The following ACTR3C variants were observed in gnomAD, a reference collection of about 807,000 sequenced individuals.
ACTR3C encodes actin related protein 3C, also known as actin-related protein 3C.
In ACTR3C, 18 loss-of-function variants were observed where a neutral mutation model predicts 26.3. The ratio of observed to expected loss-of-function variants is 0.68; its 90% confidence interval spans 0.47 to 1.01. ACTR3C has a LOEUF of 1.01. Among genes scored for constraint, ACTR3C ranks in the 50% least tolerant of loss-of-function variants. The pLI, the probability that ACTR3C is intolerant of heterozygous loss-of-function variation, is 0.00. For missense variants in ACTR3C, 184 were observed against 250.7 expected, an observed-to-expected ratio of 0.73 and a Z score of 1.80; for synonymous variants, 55 against 94.5, an observed-to-expected ratio of 0.58 and a Z score of 2.42.
At chr7:149,982,700 T>C in the ACTR3C span, among the ~76,000 whole-genome samples, 1 of 152,022 alleles carries the variant, frequency 6.6e-6, no homozygotes, top group Non-Finnish European at 1.5e-5. Context: ...AAGCTCAGTG[T>C]AGGAGCATCT....
the ACTR3C span, among the ~76,000 whole-genome samples, chr7:149,929,114 A>G: frequency 6.6e-6 from 1 of 152,208 alleles, no homozygotes; most frequent in African/African-American, 2.4e-5. Context: ...AACCATCACC[A>G]TAATTAGTAA....
At chr7:150,088,474 G>A in the ACTR3C span, among the ~76,000 whole-genome samples, 56 of 152,250 alleles carry the variant, frequency 3.7e-4, no homozygotes, top group African/African-American at 1.2e-3. Context: ...CATGCAAAGC[G>A]AAGGAAATAA....
the ACTR3C span, among the ~76,000 whole-genome samples, chr7:150,154,338 C>CT: frequency 7.3e-4 from 111 of 152,040 alleles, no homozygotes; most frequent in African/African-American, 2.4e-3. Flanking sequence ...AAAGACGTCT[C>CT]TTTTTTTTAA....
the ACTR3C span, among the ~76,000 whole-genome samples, chr7:150,230,797 A>G: frequency 6.6e-6 from 1 of 151,996 alleles, no homozygotes; most frequent in Non-Finnish European, 1.5e-5. Context: ...ATTTTTGCAT[A>G]TTTCTTTTTA....
At chr7:150,078,965 A>G in the ACTR3C span, among the ~76,000 whole-genome samples, 191 of 152,286 alleles carry the variant, frequency 1.3e-3, no homozygotes, top group Middle Eastern at 0.014. Context: ...TGGAACTGGA[A>G]CACCCAGATG....
the ACTR3C span, among the ~76,000 whole-genome samples, chr7:150,019,628 AT>A: frequency 1.3e-5 from 2 of 148,546 alleles, no homozygotes; most frequent in Non-Finnish European, 3.0e-5. Context: ...AATAATAATA[AT>A]AATAAAATCT....
the ACTR3C span, among the ~76,000 whole-genome samples, chr7:150,192,494 G>A: frequency 0.023 from 3,432 of 152,066 alleles, 120 homozygotes; most frequent in African/African-American, 0.079. Flanking sequence ...TAGAAACGAC[G>A]TCTCGCTCTG....
the ACTR3C span, among the ~76,000 whole-genome samples, chr7:149,883,914 G>T: frequency 1.3e-5 from 2 of 151,636 alleles, no homozygotes; most frequent in South Asian, 4.2e-4. Context: ...CTGTCTTCCC[G>T]AACTGTTTCG....
At position 150,292,594 on chromosome 7, in the gene ACTR3C, G is replaced by A. The variant is rs193262697; in HGVS notation, c.153+718C>T. Among the ~76,000 whole-genome samples, 1,334 of 149,828 alleles carry A rather than the reference G, an allele frequency of 8.9e-3. 18 individuals carry two copies. The highest frequency in any genetic ancestry group is 0.031 in the African/African-American group (1,268 of 40,292). On this transcript the variant is annotated intron_variant, in intron 3 of 7. Coordinates refer to ENST00000683684, the MANE Select transcript of ACTR3C (RefSeq NM_001164458.2). Reference sequence around the variant, plus strand: ...CGGCTCACTGCAACCTCCATCTCCCGGGTTCAAGCGATTCTCCTGCCTCAG... The same window carrying A: ...CGGCTCACTGCAACCTCCATCTCCCAGGTTCAAGCGATTCTCCTGCCTCAG...
the ACTR3C span, among the ~76,000 whole-genome samples, chr7:150,185,276 C>CGTGTGT: frequency 0.033 from 4,627 of 140,582 alleles, 6 homozygotes; most frequent in Middle Eastern, 0.05. Context: ...AAATGTCAGG[C>CGTGTGT]GTGTGTGTGT....
At chr7:149,942,765 G>A in the ACTR3C span, among the ~76,000 whole-genome samples, 2 of 147,574 alleles carry the variant, frequency 1.4e-5, no homozygotes, top group African/African-American at 5.4e-5. Flanking sequence ...TTTTCTTCTT[G>A]GTCATAGTTA....
At chr7:150,023,424 C>A in the ACTR3C span, among the ~76,000 whole-genome samples, 5 of 149,034 alleles carry the variant, frequency 3.4e-5, no homozygotes, top group Admixed American at 1.4e-4. Flanking sequence ...ACCTCCTCCT[C>A]CCAGGTTCAA....
the ACTR3C span, among the ~76,000 whole-genome samples, chr7:150,008,658 AG>A: frequency 6.6e-6 from 1 of 150,484 alleles, no homozygotes; most frequent in African/African-American, 2.5e-5. Flanking sequence ...CTAGCTGCCC[AG>A]GGGCCACATC....
intron 6 of ACTR3C, among the ~76,000 whole-genome samples, chr7:150,250,353 G>A (rs1267233788): frequency 6.6e-6 from 1 of 151,530 alleles, no homozygotes; most frequent in Non-Finnish European, 1.5e-5. Context: ...ACAGGCGCCC[G>A]CCACTACACC....
the ACTR3C span, among the ~76,000 whole-genome samples, chr7:150,184,645 C>G: frequency 8.0e-5 from 12 of 150,528 alleles, 1 homozygote; most frequent in Non-Finnish European, 1.2e-4. Context: ...CACTCCTTCT[C>G]CAGCACATCT....
At chr7:149,943,742 T>G in the ACTR3C span, among the ~76,000 whole-genome samples, 1 of 150,672 alleles carries the variant, frequency 6.6e-6, no homozygotes, top group Admixed American at 6.6e-5. Context: ...ACTCTCCTCT[T>G]GTATAAGCGG....
At chr7:150,081,528 A>G in the ACTR3C span, among the ~76,000 whole-genome samples, 2 of 151,594 alleles carry the variant, frequency 1.3e-5, no homozygotes, top group Middle Eastern at 3.4e-3. Flanking sequence ...TAGCCAGAAT[A>G]GACTAGGCTT....
the ACTR3C span, among the ~76,000 whole-genome samples, chr7:150,196,523 G>A: frequency 6.6e-6 from 1 of 152,236 alleles, no homozygotes; most frequent in East Asian, 1.9e-4. Context: ...CTGTAACATA[G>A]TCATAGTTAT....
At chr7:150,164,127 C>T in the ACTR3C span, among the ~76,000 whole-genome samples, 1 of 152,106 alleles carries the variant, frequency 6.6e-6, no homozygotes, top group Non-Finnish European at 1.5e-5. Flanking sequence ...TGCGGGCACG[C>T]TGGTTACCAG....
Sources: allele counts gnomAD v4.1 joint callset (sites outside exome capture counted in the v4.1 genomes callset), GRCh38; gene constraint gnomAD v4.1.1; transcripts MANE v1.5; gene names NCBI Gene and HGNC (gene_info 2026-07-23, HGNC 2026-07-21).